WFDC8: variants seen among roughly 807,000 people sequenced by gnomAD.
The protein encoded by WFDC8 is WAP four-disulfide core domain 8, also known as WAP four-disulfide core domain protein 8.
A neutral mutation model predicts 27.0 loss-of-function variants in WFDC8; 24 were observed. That is an observed-to-expected ratio of 0.89 (90% CI 0.64 to 1.25). The LOEUF (loss-of-function observed/expected upper bound fraction) is 1.25. Among genes scored for constraint, WFDC8 ranks in the 50% most tolerant of loss-of-function variants. WFDC8 has a pLI of 0.00. For synonymous variants in WFDC8, 106 were observed against 99.7 expected (o/e 1.06, Z -0.38); for missense variants, 287 against 295.9 (o/e 0.97, Z 0.22).
At chr20:45,578,833 C>T (rs1038391833) in intron 1 of WFDC8, among the ~76,000 whole-genome samples, 1 of 152,190 alleles carries the variant, frequency 6.6e-6, no homozygotes, top group Non-Finnish European at 1.5e-5. Context: ...GGCTCTGCCC[C>T]TCCACACTGG....
rs750266414 is a variant in WFDC8, at chr20:45,553,255, A to G, written c.467T>C (p.Leu156Pro). ...MLIVKDGQCP[L>P]FPFTERKECP... Reference sequence around the variant, plus strand: ...CTCCTTACGTTCAGTGAAAGGGAAGAGTGGGCATTGTCCATCCTTAACTAA... The same window carrying G: ...CTCCTTACGTTCAGTGAAAGGGAAGGGTGGGCATTGTCCATCCTTAACTAA... Residue 156 changes from leucine to proline, a missense_variant, in exon 5 of 6, where the codon CTC becomes CCC. Transcript: ENST00000289953. 1 of 1,613,746 alleles carries G rather than the reference A, an allele frequency of 6.2e-7. No individual in the cohort carries two copies. Among genetic ancestry groups the G allele is most frequent in the Non-Finnish European group, 8.5e-7 (1 of 1,179,722 alleles).
At chr20:45,570,030 A>G (rs1007850329) in intron 1 of WFDC8, among the ~76,000 whole-genome samples, 1 of 152,174 alleles carries the variant, frequency 6.6e-6, no homozygotes, top group Non-Finnish European at 1.5e-5. Context: ...ACTGAAGCCT[A>G]TGGGAGGTTG....
intron 3 of WFDC8, 76 bp from the exon 4 acceptor site, chr20:45,555,944 CAT>C: frequency 6.9e-7 from 1 of 1,459,024 alleles, no homozygotes; most frequent in Non-Finnish European, 9.4e-7. Flanking sequence ...TAGCATTTCT[CAT>C]AACTCCTGGT....
At chr20:45,569,721 C>G (rs1980804152) in intron 1 of WFDC8, among the ~76,000 whole-genome samples, 1 of 152,020 alleles carries the variant, frequency 6.6e-6, no homozygotes, top group Non-Finnish European at 1.5e-5. Context: ...GCCAGTTATC[C>G]CATCACCATT....
At chr20:45,560,604 T>C (rs1980432378) in intron 2 of WFDC8, among the ~76,000 whole-genome samples, 2 of 152,194 alleles carry the variant, frequency 1.3e-5, no homozygotes, top group South Asian at 4.1e-4. Flanking sequence ...CTATTTATCA[T>C]TGGTACCAAA....
chr20:45,576,587 G>A (rs951910319), intron 1 of WFDC8, among the ~76,000 whole-genome samples: 1 of 151,028 alleles, frequency 6.6e-6, no homozygotes, highest in Admixed American at 6.6e-5. Context: ...TAGTAGAGAC[G>A]GGGTCTTTCC....
intron 1 of WFDC8, among the ~76,000 whole-genome samples, chr20:45,564,971 A>AAGAAAGAAAAAGAAAGAG (rs61100293): frequency 0.047 from 6,943 of 146,412 alleles, 403 homozygotes; most frequent in African/African-American, 0.12. Context: ...GAAGGAAAGA[A>AAGAAAGAAAAAGAAAGAG]AGACAAAGAA....
chr20:45,566,856 C>T (rs928018313), intron 1 of WFDC8, among the ~76,000 whole-genome samples: 1 of 152,006 alleles, frequency 6.6e-6, no homozygotes, highest in African/African-American at 2.4e-5. Context: ...TCATGGATAC[C>T]AAAATCCTTA....
intron 1 of WFDC8, among the ~76,000 whole-genome samples, chr20:45,569,027 G>T (rs762192597): frequency 1.2e-4 from 18 of 152,260 alleles, no homozygotes; most frequent in Non-Finnish European, 2.4e-4. Flanking sequence ...CAGCTACTTA[G>T]CATCATCTCT....
chr20:45,571,059 A>G (rs1268951604), intron 1 of WFDC8, among the ~76,000 whole-genome samples: 2 of 152,134 alleles, frequency 1.3e-5, no homozygotes, highest in African/African-American at 4.8e-5. Flanking sequence ...GTTTCTCCAG[A>G]GCCCCATCAT....
At chr20:45,572,949 C>T (rs1475762731) in intron 1 of WFDC8, among the ~76,000 whole-genome samples, 6 of 152,188 alleles carry the variant, frequency 3.9e-5, no homozygotes, top group African/African-American at 1.4e-4. Context: ...AAGTCCTTTG[C>T]CCATTTTTAA....
At chr20:45,558,011 A>G (rs1032104194) in intron 3 of WFDC8, among the ~76,000 whole-genome samples, 1 of 152,196 alleles carries the variant, frequency 6.6e-6, no homozygotes, top group Non-Finnish European at 1.5e-5. Flanking sequence ...ATCACAGTGA[A>G]ACCTGCAAAA....
chr20:45,554,652 G>T (rs1261889810), intron 4 of WFDC8, among the ~76,000 whole-genome samples: 2 of 152,100 alleles, frequency 1.3e-5, no homozygotes, highest in Non-Finnish European at 2.9e-5. Context: ...CCTCTTCCTT[G>T]TCTTCCTGGG....
rs1380096115 is a variant in WFDC8 at position 45,554,664 on chromosome 20, G to A, written c.445+1037C>T. On this transcript the variant is annotated intron_variant, in intron 4 of 5. Transcript: ENST00000289953. ...CCTCCTCTTCCTTGTCTTCCTGGGA[G>A]AGGAGACAAGGCTCTTGTCCACAGC... Among the ~76,000 whole-genome samples the A allele has an allele frequency of 2.0e-5, 3 of 152,162 alleles. No individual in the cohort carries two copies. In the East Asian group the frequency reaches 5.8e-4, roughly 29 times the overall value.
chr20:45,556,620 C>A (rs62205621), intron 3 of WFDC8, among the ~76,000 whole-genome samples: 1 of 151,942 alleles, frequency 6.6e-6, no homozygotes, highest in Non-Finnish European at 1.5e-5. Context: ...CTTATAACTA[C>A]ATAAGAAGTT....
chr20:45,564,258 G>A (rs1002453453), intron 1 of WFDC8, among the ~76,000 whole-genome samples: 12 of 152,062 alleles, frequency 7.9e-5, no homozygotes, highest in African/African-American at 2.7e-4. Context: ...TGGAATACAC[G>A]GACACAAATG....
chr20:45,555,585 G>T, intron 4 of WFDC8, 116 bp downstream of exon 4: 1 of 1,202,402 alleles, frequency 8.3e-7, no homozygotes, highest in Non-Finnish European at 1.2e-6. Context: ...GCCAGTGAAT[G>T]ACAGAGCTAA....
Position 45,555,738 on chromosome 20 carries a change from T to C in WFDC8, c.408A>G (p.Leu136=). Residue 136 remains leucine, a synonymous_variant, in exon 4 of 6, where the codon TTA becomes TTG. Transcript: ENST00000289953. ...RGCEGNANNF[L]NEDACRTACM... ...AGGCCGTTCTGCAGGCATCCTCATT[T>C]AAGAAGTTGTTGGCATTCCCTTCGC... is the stretch of plus-strand genomic sequence containing the variant. 6.2e-7 allele frequency: 1 copy of C among 1,612,928 alleles called. No homozygotes were observed.
intron 1 of WFDC8, among the ~76,000 whole-genome samples, chr20:45,573,407 G>C (rs920412493): frequency 6.6e-6 from 1 of 152,150 alleles, no homozygotes; most frequent in Non-Finnish European, 1.5e-5. Flanking sequence ...TCCCCAAGTA[G>C]TGTACATTGT....
Sources: gnomAD v4.1 joint callset for allele counts (sites outside exome capture counted in the v4.1 genomes callset) on GRCh38, gnomAD v4.1.1 for gene constraint, MANE v1.5 for transcripts, NCBI Gene and HGNC (gene_info 2026-07-23, HGNC 2026-07-21) for gene names.